Variants in PLEKHA7 observed in about 807,000 individuals in gnomAD.
PLEKHA7 encodes pleckstrin homology domain containing A7.
Under a neutral mutation model 170.0 loss-of-function variants are expected in PLEKHA7, and 104 were observed. That is an observed-to-expected ratio of 0.61 (90% CI 0.52 to 0.72). The LOEUF (loss-of-function observed/expected upper bound fraction) is 0.72. PLEKHA7 is among the 30% of genes least tolerant of loss of function. The pLI is 0.00. For synonymous variants in PLEKHA7, 648 were observed against 660.8 expected (o/e 0.98, Z 0.30); for missense variants, 1,615 against 1,671.7 (o/e 0.97, Z 0.59).
intron 8 of PLEKHA7, among the ~76,000 whole-genome samples, chr11:16,849,744 A>G (rs1402561598): frequency 1.3e-5 from 2 of 152,218 alleles, no homozygotes; most frequent in Non-Finnish European, 2.9e-5. Flanking sequence ...TGAGCATTAA[A>G]TGAGGTCACA....
intron 3 of PLEKHA7, among the ~76,000 whole-genome samples, chr11:16,985,883 C>A (rs1863695770): frequency 6.6e-6 from 1 of 152,214 alleles, no homozygotes; most frequent in African/African-American, 2.4e-5. Flanking sequence ...CTCAGAAAAG[C>A]TTCTCAGTAC....
At chr11:16,959,158 T>C (rs1435574993) in intron 3 of PLEKHA7, among the ~76,000 whole-genome samples, 1 of 152,212 alleles carries the variant, frequency 6.6e-6, no homozygotes, top group Non-Finnish European at 1.5e-5. Context: ...TCACATGGGT[T>C]TGTCGTACAG....
intron 3 of PLEKHA7, among the ~76,000 whole-genome samples, chr11:16,954,760 G>A (rs569812746): frequency 1.2e-4 from 18 of 150,496 alleles, no homozygotes; most frequent in South Asian, 6.3e-4. Context: ...GCGCAATCTC[G>A]GCTCACTGCA....
intron 9 of PLEKHA7, among the ~76,000 whole-genome samples, chr11:16,830,845 A>C (rs961257318): frequency 6.6e-6 from 1 of 152,202 alleles, no homozygotes; most frequent in African/African-American, 2.4e-5. Flanking sequence ...TCCCATAAAC[A>C]CCTGACCCTC....
chr11:16,809,774 A>G (rs934354905), intron 13 of PLEKHA7, among the ~76,000 whole-genome samples: 5 of 152,188 alleles, frequency 3.3e-5, no homozygotes, highest in African/African-American at 9.7e-5. Flanking sequence ...GCTGCAACCT[A>G]TCTACTTGTA....
intron 6 of PLEKHA7, 49 bp downstream of exon 6, chr11:16,854,840 C>A (rs1853294913): frequency 1.3e-6 from 2 of 1,539,988 alleles, no homozygotes; most frequent in Non-Finnish European, 1.8e-6. Flanking sequence ...AAGGAGAGAA[C>A]TCAGCCAGAG....
chr11:16,805,802 A>AAAAC lies in PLEKHA7; in HGVS notation c.2008-2508_2008-2507insGTTT, dbSNP rs1564934287. On this transcript the variant is annotated intron_variant, in intron 13 of 26. Transcript: ENST00000531066. ...GAGACTCCATGTCAAAAAAAAAAAA[A>AAAAC]AAAAACAAAAACAAAAACAAAAAAA... Among the ~76,000 whole-genome samples the AAAAC allele has an allele frequency of 9.1e-5, 13 of 143,166 alleles. No individual in the cohort carries two copies. In the East Asian group the frequency reaches 1.8e-3, roughly 20 times the overall value. The allele number at this position is 143,166 out of a possible 152,430, so 93.9% of individuals were successfully genotyped here.
chr11:16,940,634 G>C lies in PLEKHA7; in HGVS notation c.222-69452C>G, dbSNP rs938802652. 2.6e-5 allele frequency among the ~76,000 whole-genome samples: 4 copies of C among 152,004 alleles called. No individual in the cohort carries two copies. In the East Asian group the frequency reaches 7.7e-4, roughly 29 times the overall value. ...GGCTAACAGATGCTTTGTACTAGTA[G>C]ATGCTCAAGAAATGGTTCCTTTAAA... On this transcript the variant is annotated intron_variant, in intron 3 of 26. Transcript: ENST00000531066.
intron 10 of PLEKHA7, among the ~76,000 whole-genome samples, chr11:16,818,548 G>A (rs1215483387): frequency 4.6e-5 from 7 of 152,132 alleles, no homozygotes; most frequent in South Asian, 2.1e-4. Context: ...GTTTGACCTC[G>A]TCATCACACT....
chr11:16,915,469 G>A (rs1055892365), intron 3 of PLEKHA7, among the ~76,000 whole-genome samples: 46 of 151,276 alleles, frequency 3.0e-4, no homozygotes, highest in African/African-American at 7.8e-4. Context: ...CCACTAACTC[G>A]TCATCTAGCA....
intron 3 of PLEKHA7, among the ~76,000 whole-genome samples, chr11:16,961,844 G>A (rs1336810220): frequency 3.3e-5 from 5 of 152,228 alleles, no homozygotes; most frequent in Non-Finnish European, 4.4e-5. Context: ...CCGTGCTTCA[G>A]TTTTCTCACC....
At chr11:16,992,083 C>CT (rs397849654) in intron 3 of PLEKHA7, among the ~76,000 whole-genome samples, 4 of 152,198 alleles carry the variant, frequency 2.6e-5, no homozygotes, top group Non-Finnish European at 5.9e-5. Flanking sequence ...GGACCCCCCC[C>CT]AGCCTGGGCA....
At chr11:16,878,311 T>C (rs975701498) in intron 3 of PLEKHA7, among the ~76,000 whole-genome samples, 1 of 152,214 alleles carries the variant, frequency 6.6e-6, no homozygotes, top group African/African-American at 2.4e-5. Context: ...CCCATTCTCC[T>C]CACTGGATGC....
intron 8 of PLEKHA7, among the ~76,000 whole-genome samples, chr11:16,848,878 G>C (rs1275525384): frequency 2.6e-5 from 4 of 152,222 alleles, no homozygotes; most frequent in African/African-American, 9.6e-5. Context: ...CAACATCAAA[G>C]ACAGGTGTCA....
rs201660932 is a variant in PLEKHA7, at chr11:16,794,648, G to A, written c.2585C>T (p.Pro862Leu). 1.6e-4 allele frequency: 265 copies of A among 1,614,018 alleles called. 3 individuals are homozygous for A. The East Asian group carries it at 3.6e-3, about 22-fold the overall frequency. ...VPSLSTSESK[P>L]PPQPSPPTSP... ...GGTGGGAGGACTGGGCTGTGGGGGC[G>A]GCTTGCTCTCAGAAGTTGAGAGTGA... Residue 862 changes from proline to leucine, a missense_variant, in exon 19 of 27, where the codon CCG becomes CTG. Pro to Leu is a moderately conservative substitution (Grantham distance 98). Transcript: ENST00000531066.
chr11:16,870,727 G>A (rs1854770665), intron 4 of PLEKHA7, among the ~76,000 whole-genome samples: 1 of 151,692 alleles, frequency 6.6e-6, no homozygotes, highest in Non-Finnish European at 1.5e-5. Context: ...AGCCTCCCAA[G>A]TATCTGGTAA....
chr11:16,838,887 C>T (rs1311217698), intron 9 of PLEKHA7, among the ~76,000 whole-genome samples: 1 of 152,022 alleles, frequency 6.6e-6, no homozygotes, highest in South Asian at 2.1e-4. Flanking sequence ...GGGGTTTCAC[C>T]GTGTTAGCCA....
chr11:16,972,090 C>T (rs1862754276), intron 3 of PLEKHA7, among the ~76,000 whole-genome samples: 2 of 151,716 alleles, frequency 1.3e-5, no homozygotes, highest in South Asian at 4.2e-4. Context: ...CCCAAAGTGT[C>T]AGGATTATAG....
At chr11:16,909,416 T>A (rs1159495490) in intron 3 of PLEKHA7, among the ~76,000 whole-genome samples, 4 of 152,148 alleles carry the variant, frequency 2.6e-5, no homozygotes, top group Admixed American at 2.0e-4. Context: ...ATTCTATCCA[T>A]AAATTACTGA....
Sources: gnomAD v4.1 joint callset for allele counts (sites outside exome capture counted in the v4.1 genomes callset) on GRCh38, gnomAD v4.1.1 for gene constraint, MANE v1.5 for transcripts, NCBI Gene and HGNC (gene_info 2026-07-23, HGNC 2026-07-21) for gene names.